The following EIF5B variants were observed in gnomAD, a reference collection of about 807,000 sequenced individuals.
EIF5B encodes eIF-5B.
A neutral mutation model predicts 147.5 loss-of-function variants in EIF5B; 47 were observed. That is an observed-to-expected ratio of 0.32 (90% CI 0.25 to 0.41). EIF5B has a LOEUF of 0.41. Ranked by LOEUF, EIF5B falls within the 10% of genes least tolerant of loss-of-function variation. The pLI is 1.00. For missense variants in EIF5B, 1,064 were observed against 1,413.2 expected (o/e 0.75, Z 3.96); for synonymous variants, 455 against 456.2 (o/e 1.00, Z 0.03).
In EIF5B at chr2:99,390,313, G is replaced by A. The variant is rs1451172851; in HGVS notation, c.2498G>A (p.Ser833Asn). The A allele has an allele frequency of 1.2e-6, 2 of 1,614,038 alleles. No homozygotes were observed. The highest frequency in any genetic ancestry group is 2.2e-5 in the East Asian group (1 of 44,876). ...TSAHTGDGMG[S>N]LIYLLVELTQ... ...GCACATACTGGTGATGGCATGGGAAGTCTGATCTACCTTCTTGTAGAGTTA... is the reference window on the plus strand; with the variant it reads ...GCACATACTGGTGATGGCATGGGAAATCTGATCTACCTTCTTGTAGAGTTA... The change falls in exon 16 of 24, where the codon AGT becomes AAT. Residue 833 changes from serine to asparagine, a missense_variant. By Grantham distance (46) the Ser-to-Asn change is conservative. This residue lies in a region of EIF5B where 380 missense variants were observed against 715.6 expected (regional missense o/e 0.53). Transcript: ENST00000289371.
At chr2:99,375,341 A>C (rs1182309667) in intron 9 of EIF5B, among the ~76,000 whole-genome samples, 1 of 152,190 alleles carries the variant, frequency 6.6e-6, no homozygotes, top group Non-Finnish European at 1.5e-5. Context: ...ACCTGAGTGA[A>C]CTAGCAATAT....
At chr2:99,379,181 T>C in intron 11 of EIF5B, 55 bp downstream of exon 11, 5 of 1,477,208 alleles carry the variant, frequency 3.4e-6, no homozygotes, top group African/African-American at 2.9e-5. Context: ...AATGGTACCT[T>C]ATAAAAAAAA....
chr2:99,394,086 G>A (rs996672674), intron 18 of EIF5B, among the ~76,000 whole-genome samples, 181 bp from the exon 19 acceptor site: 3 of 152,154 alleles, frequency 2.0e-5, no homozygotes, highest in Admixed American at 6.5e-5. Flanking sequence ...ATACAGTTAG[G>A]GTATGGCCCC....
intron 9 of EIF5B, among the ~76,000 whole-genome samples, chr2:99,374,265 G>A (rs1674517143): frequency 6.9e-6 from 1 of 144,810 alleles, no homozygotes; most frequent in Admixed American, 7.0e-5. Context: ...TTCCAGCCTG[G>A]GCGACAGAGC....
At chr2:99,338,993 A>AATATAT (rs11272483) in intron 1 of EIF5B, among the ~76,000 whole-genome samples, 21 of 132,728 alleles carry the variant, frequency 1.6e-4, no homozygotes, top group East Asian at 4.4e-4. Flanking sequence ...TATATACACA[A>AATATAT]ATATATATAT....
chr2:99,399,579 C>G lies in EIF5B; in HGVS notation c.*165C>G. The G allele has an allele frequency of 1.6e-6, 1 of 610,754 alleles. No homozygotes were observed. The highest frequency in any genetic ancestry group is 2.7e-5 in the Admixed American group (1 of 37,270). The allele number at this position is 610,754 out of a possible 1,614,324, so 37.8% of individuals were successfully genotyped here. On this transcript the variant is annotated 3_prime_UTR_variant, in exon 24 of 24. Coordinates refer to ENST00000289371, the MANE Select transcript of EIF5B (RefSeq NM_015904.4). ...ATGTTTTCCATGAGAAACCAAGAAA[C>G]TTACACTGGTTTGACAGTGGTCAGT... is the stretch of plus-strand genomic sequence containing the variant.
Position 99,361,544 on chromosome 2 carries a change from G to C in EIF5B, c.643G>C (p.Gly215Arg). The change falls in exon 4 of 24, where the codon GGG becomes CGG. Residue 215 changes from glycine (G) to arginine (R), a missense_variant. Physicochemically the swap from Gly to Arg is moderately radical, Grantham distance 125. Around this residue, in one of 4 missense-constraint regions of EIF5B, gnomAD observed 458 missense variants for 451.3 expected, o/e 1.01. Transcript: ENST00000289371. ...KNKPGPNIESGNEDDDASFKI... is the reference protein window; with the variant it reads ...KNKPGPNIESRNEDDDASFKI... Reference sequence around the variant, plus strand: ...CAAGCCAGGTCCTAACATAGAAAGTGGGAATGAAGATGATGACGCCTCCTT... The same window carrying C: ...CAAGCCAGGTCCTAACATAGAAAGTCGGAATGAAGATGATGACGCCTCCTT... 6.2e-7 allele frequency: 1 copy of C among 1,613,782 alleles called. No homozygotes were observed. The highest frequency in any genetic ancestry group is 8.5e-7 in the Non-Finnish European group (1 of 1,179,976).
rs374776495 is a variant in EIF5B, at chr2:99,376,469, G to A, written c.1675G>A (p.Gly559Ser). 57 of 1,607,822 alleles carry A rather than the reference G, an allele frequency of 3.5e-5. No homozygotes were observed. The highest frequency in any genetic ancestry group is 4.3e-5 in the Non-Finnish European group (51 of 1,174,568). The change falls in exon 10 of 24, where the codon GGC becomes AGC. Residue 559 changes from glycine to serine, a missense_variant. Physicochemically the swap from Gly to Ser is moderately conservative, Grantham distance 56 (BLOSUM62 0). Coordinates refer to ENST00000289371, the MANE Select transcript of EIF5B (RefSeq NM_015904.4). ...EEEEEEGESE[G>S]SEGDEEDEKV... ...GGAGGAAGAGGAGGGAGAAAGTGAA[G>A]GCAGTGAAGGTGATGAGGAAGATGA...
chr2:99,363,782 G>C lies in EIF5B; in HGVS notation c.1057G>C (p.Glu353Gln), dbSNP rs759784321. 1 of 1,614,020 alleles carries C rather than the reference G, an allele frequency of 6.2e-7. No individual in the cohort carries two copies. The highest frequency in any genetic ancestry group is 2.2e-5 in the East Asian group (1 of 44,860). Residue 353 changes from glutamate to glutamine, a missense_variant, in exon 5 of 24, where the codon GAG (glutamate) becomes CAG (glutamine). By Grantham distance (29) the Glu-to-Gln change is conservative. Coordinates refer to ENST00000289371, the MANE Select transcript of EIF5B (RefSeq NM_015904.4). Reference sequence around the variant, plus strand: ...GCAAGAAGCTCTGGCTAAGCTTAAAGAGGAAGAAGAAAGACAGAAGAGAGA... The same window carrying C: ...GCAAGAAGCTCTGGCTAAGCTTAAACAGGAAGAAGAAAGACAGAAGAGAGA... Reference protein sequence around the residue: ...AMQEALAKLKEEEERQKREEE... With the variant: ...AMQEALAKLKQEEERQKREEE...
chr2:99,386,284 A>G (rs1231315733), intron 14 of EIF5B, among the ~76,000 whole-genome samples: 1 of 152,202 alleles, frequency 6.6e-6, no homozygotes, highest in Non-Finnish European at 1.5e-5. Flanking sequence ...AGAGATGACC[A>G]TATCTGTTTC....
intron 14 of EIF5B, among the ~76,000 whole-genome samples, chr2:99,385,516 T>C (rs191615280): frequency 1.8e-3 from 273 of 152,366 alleles, no homozygotes; most frequent in Non-Finnish European, 3.5e-3. Flanking sequence ...TTATGACTTG[T>C]TGAAGAATCA....
chr2:99,337,654 C>T (rs1480589638), intron 1 of EIF5B, 65 bp downstream of exon 1: 2 of 1,535,890 alleles, frequency 1.3e-6, no homozygotes, highest in East Asian at 2.4e-5. Context: ...CGGGTCTCGC[C>T]GGGCGCGGCG....
In EIF5B at chr2:99,363,651, A is replaced by C. The variant is rs928236911; in HGVS notation, c.926A>C (p.Asn309Thr). 3 of 1,581,338 alleles carry C rather than the reference A, an allele frequency of 1.9e-6. No homozygotes were observed. The highest frequency in any genetic ancestry group is 2.6e-6 in the Non-Finnish European group (3 of 1,171,892). ...AETPTAAEDD[N>T]EGDKKKKDKK... is the part of the protein sequence containing the mutation. ...CCTTTATTCTTTTTGGTAGATGACA[A>C]TGAAGGAGACAAAAAGAAGAAAGAT... Residue 309 changes from asparagine to threonine, a missense_variant, in exon 5 of 24, where the codon AAT (asparagine) becomes ACT (threonine). Asn to Thr is a moderately conservative substitution (Grantham distance 65, BLOSUM62 0). This residue lies in a region of EIF5B where 458 missense variants were observed against 451.3 expected (regional missense o/e 1.01). Coordinates refer to ENST00000289371, the MANE Select transcript of EIF5B (RefSeq NM_015904.4).
rs1674223325 is a variant in EIF5B at position 99,361,916 on chromosome 2, G to A, written c.919+96G>A. 8.3e-6 allele frequency: 10 copies of A among 1,202,096 alleles called. No homozygotes were observed. The South Asian group carries it at 2.2e-4, about 26-fold the overall frequency. The allele number at this position is 1,202,096 out of a possible 1,614,324, so 74.5% of individuals were successfully genotyped here. A position where few individuals can be genotyped will look rare whatever the true frequency, so the allele number is the denominator to read the frequency against. On this transcript the variant is annotated intron_variant, in intron 4 of 23. Transcript: ENST00000289371. ...CAAGGTCGTTTTGTTATTTGTCCAT[G>A]GGTATAAAGACACTTGATTGTAAGG...
At position 99,357,507 on chromosome 2, in the gene EIF5B, G is replaced by C. The variant is rs563601967; in HGVS notation, c.36-2729G>C. On this transcript the variant is annotated intron_variant, in intron 1 of 23. Coordinates refer to ENST00000289371, the MANE Select transcript of EIF5B (RefSeq NM_015904.4). ...CTGAATATAAGCATATTAAAAAACT[G>C]TTCATCTTATATTGTTAGTCACAAA... 1.4e-3 allele frequency among the ~76,000 whole-genome samples: 207 copies of C among 152,284 alleles called. 1 individual carries two copies. The highest frequency in any genetic ancestry group is 4.8e-3 in the African/African-American group (201 of 41,554).
At chr2:99,394,979 C>A in intron 21 of EIF5B, 96 bp downstream of exon 21, 1 of 1,140,186 alleles carries the variant, frequency 8.8e-7, no homozygotes, top group Non-Finnish European at 1.2e-6. Flanking sequence ...AAAATCATGG[C>A]ATTTACTCAT....
At position 99,361,651 on chromosome 2, in the gene EIF5B, G is replaced by C; in HGVS notation, c.750G>C (p.Leu250=). The change falls in exon 4 of 24, where the codon CTG becomes CTC. Residue 250 remains leucine, a synonymous_variant. Coordinates refer to ENST00000289371, the MANE Select transcript of EIF5B (RefSeq NM_015904.4). ...AGCGAGATGAAGAAAAAGCGAAACT[G>C]CGGAAGCTGAAAGAAAAAGAAGAGT... is the stretch of plus-strand genomic sequence containing the variant. ...RKKRDEEKAK[L]RKLKEKEELE... is the part of the protein sequence containing the mutation. The C allele has an allele frequency of 1.3e-6, 2 of 1,598,018 alleles. No individual in the cohort carries two copies. Among genetic ancestry groups the C allele is most frequent in the Non-Finnish European group, 1.7e-6 (2 of 1,176,346 alleles).
In EIF5B at chr2:99,337,403, C is replaced by T. The variant is rs970591833; in HGVS notation, c.-152C>T. 2.1e-6 allele frequency: 2 copies of T among 934,090 alleles called. No homozygotes were observed. Among genetic ancestry groups the T allele is most frequent in the Non-Finnish European group, 3.4e-6 (2 of 590,920 alleles). The allele number at this position is 934,090 out of a possible 1,614,324, so 57.9% of individuals were successfully genotyped here. ...ACTGAGAACTCACACCATATGTGTC[C>T]TGTTCCAGTGCGCGGGTCTGTGGAG... is the stretch of plus-strand genomic sequence containing the variant. On this transcript the variant is annotated 5_prime_UTR_variant, in exon 1 of 24. Transcript: ENST00000289371.
chr2:99,358,830 A>C (rs902445992), intron 1 of EIF5B, among the ~76,000 whole-genome samples: 4 of 152,314 alleles, frequency 2.6e-5, no homozygotes, highest in Admixed American at 2.6e-4. Flanking sequence ...GCAGCAGATC[A>C]GTGTCAAATT....
Sources: gnomAD v4.1 joint callset for allele counts (sites outside exome capture counted in the v4.1 genomes callset) on GRCh38, gnomAD v4.1.1 for gene constraint, gnomAD v4.1.1 regional missense constraint, MANE v1.5 for transcripts, NCBI Gene and HGNC (gene_info 2026-07-23, HGNC 2026-07-21) for gene names.